The following ASH1L variants were observed in gnomAD, a reference collection of about 807,000 sequenced individuals.
ASH1L encodes the protein ASH1 like histone lysine methyltransferase, also known as histone-lysine N-methyltransferase ASH1L.
A neutral mutation model predicts 269.0 loss-of-function variants in ASH1L; 23 were observed. The ratio of observed to expected loss-of-function variants is 0.09; its 90% confidence interval spans 0.06 to 0.12. The LOEUF (loss-of-function observed/expected upper bound fraction) is 0.12. Among genes scored for constraint, ASH1L ranks in the 10% least tolerant of loss-of-function variants. ASH1L has a pLI of 1.00. For missense variants in ASH1L, 2,912 were observed against 3,567.8 expected (o/e 0.82, Z 4.68); for synonymous variants, 1,187 against 1,253.5 (o/e 0.95, Z 1.12).
At chr1:155,524,311 G>T (rs188280585) in intron 1 of ASH1L, among the ~76,000 whole-genome samples, 1 of 151,514 alleles carries the variant, frequency 6.6e-6, no homozygotes, top group Non-Finnish European at 1.5e-5. Flanking sequence ...CAGGAGGTCA[G>T]GAGATCGAGA....
Position 155,353,749 on chromosome 1 carries a change from C to T in ASH1L, c.7213+724G>A, listed in dbSNP as rs183362401. Among the ~76,000 whole-genome samples the T allele has an allele frequency of 1.5e-3, 234 of 152,082 alleles. 1 individual carries two copies. The highest frequency in any genetic ancestry group is 4.7e-3 in the African/African-American group (197 of 41,486). Reference sequence around the variant, plus strand: ...CTGAATCTGAATGTGAGAAATGACCCGTCCCCAGCTGAATCTGAATGTGAG... The same window carrying T: ...CTGAATCTGAATGTGAGAAATGACCTGTCCCCAGCTGAATCTGAATGTGAG... On this transcript the variant is annotated intron_variant, in intron 16 of 27. Transcript: ENST00000392403.
chr1:155,560,072 A>C (rs1185325015), intron 1 of ASH1L, among the ~76,000 whole-genome samples: 1 of 152,222 alleles, frequency 6.6e-6, no homozygotes, highest in African/African-American at 2.4e-5. Flanking sequence ...TTCTCCTGTC[A>C]ACATGTTCAA....
chr1:155,442,496 T>C (rs1029732389), intron 4 of ASH1L, among the ~76,000 whole-genome samples: 2 of 150,572 alleles, frequency 1.3e-5, no homozygotes, highest in Non-Finnish European at 2.9e-5. Context: ...GGCAGGAGAA[T>C]TGCTTGAACC....
At chr1:155,507,017 T>A (rs1198930090) in intron 2 of ASH1L, among the ~76,000 whole-genome samples, 1 of 152,226 alleles carries the variant, frequency 6.6e-6, no homozygotes, top group East Asian at 1.9e-4. Flanking sequence ...GCGCAGTGGC[T>A]CACGCCTGTA....
chr1:155,531,658 T>C (rs1669685837), intron 1 of ASH1L, among the ~76,000 whole-genome samples: 1 of 152,068 alleles, frequency 6.6e-6, no homozygotes, highest in Admixed American at 6.6e-5. Context: ...CCTAAAAATG[T>C]ATATGAGAAG....
At chr1:155,446,302 T>A (rs1314834614) in intron 4 of ASH1L, among the ~76,000 whole-genome samples, 3 of 140,736 alleles carry the variant, frequency 2.1e-5, no homozygotes, top group African/African-American at 8.4e-5. Flanking sequence ...TTAATTAAAT[T>A]TTTTTTTTTT....
intron 5 of ASH1L, among the ~76,000 whole-genome samples, chr1:155,435,295 G>A (rs1342944223): frequency 2.0e-5 from 3 of 152,130 alleles, no homozygotes; most frequent in Non-Finnish European, 4.4e-5. Flanking sequence ...TTACATAAGT[G>A]ACATAAAGAG....
At position 155,479,773 on chromosome 1, in the gene ASH1L, A is replaced by G. The variant is rs1277275328; in HGVS notation, c.3097T>C (p.Leu1033=). 1.2e-6 allele frequency: 2 copies of G among 1,614,166 alleles called. No individual in the cohort carries two copies. Among genetic ancestry groups the G allele is most frequent in the Non-Finnish European group, 1.7e-6 (2 of 1,180,010 alleles). ...TTGCTGACATTTATCTGTTGGCCCA[A>G]TTTAGAGCCAAATGTGGCAGCAAGA... is the stretch of plus-strand genomic sequence containing the variant. The part of the protein sequence containing the change: ...SSLAATFGSK[L]GQQINVSKKG... Residue 1033 remains leucine (L), a synonymous_variant, in exon 3 of 28, where the codon TTG becomes CTG. Transcript: ENST00000392403.
chr1:155,506,370 A>G (rs1478511967), intron 2 of ASH1L, among the ~76,000 whole-genome samples: 1 of 152,210 alleles, frequency 6.6e-6, no homozygotes, highest in Non-Finnish European at 1.5e-5. Context: ...AGCAAGAACT[A>G]AGGCACTATT....
chr1:155,431,869 C>A (rs1310117399), intron 5 of ASH1L, among the ~76,000 whole-genome samples: 1 of 152,160 alleles, frequency 6.6e-6, no homozygotes, highest in African/African-American at 2.4e-5. Context: ...CCTGCCTCAG[C>A]CTGACAAACT....
At position 155,468,423 on chromosome 1, in the gene ASH1L, G is replaced by A. The variant is rs576186541; in HGVS notation, c.4985-8525C>T. Among the ~76,000 whole-genome samples, 363 of 152,126 alleles carry A rather than the reference G, an allele frequency of 2.4e-3. 1 individual carries two copies. Among genetic ancestry groups the A allele is most frequent in the African/African-American group, 8.3e-3 (346 of 41,480 alleles). On this transcript the variant is annotated intron_variant, in intron 3 of 27. Coordinates refer to ENST00000392403, the MANE Select transcript of ASH1L (RefSeq NM_018489.3). ...CAGCAGTCCAGTCCATATTCAAGAA[G>A]AGGTAAATTAAGTTCCACCTCCTGA...
At chr1:155,506,013 G>A (rs951720828) in intron 2 of ASH1L, among the ~76,000 whole-genome samples, 10 of 133,676 alleles carry the variant, frequency 7.5e-5, no homozygotes, top group African/African-American at 1.4e-4. Context: ...GACAGGCCCC[G>A]ATGTGTGATG....
At position 155,549,340 on chromosome 1, in the gene ASH1L, C is replaced by CA. The variant is rs552143208; in HGVS notation, c.-100+12812dup. 8.9e-4 allele frequency among the ~76,000 whole-genome samples: 135 copies of CA among 151,000 alleles called. No individual in the cohort carries two copies. In the Middle Eastern group the frequency reaches 0.017, roughly 19 times the overall value. ...CCTGGATAACAGAGAGACCCTGTCT[C>CA]AAAAAAAAACTTTTTGGCCAGACAC... On this transcript the variant is annotated intron_variant, in intron 1 of 27. Coordinates refer to ENST00000392403, the MANE Select transcript of ASH1L (RefSeq NM_018489.3).
At chr1:155,512,173 TCA>T (rs1255784128) in intron 2 of ASH1L, among the ~76,000 whole-genome samples, 1 of 149,014 alleles carries the variant, frequency 6.7e-6, no homozygotes, top group Non-Finnish European at 1.5e-5. Context: ...CTATCCTTTA[TCA>T]CAATCCTTTA....
At chr1:155,535,535 C>T (rs966261572) in intron 1 of ASH1L, among the ~76,000 whole-genome samples, 9 of 151,684 alleles carry the variant, frequency 5.9e-5, no homozygotes, top group Admixed American at 1.3e-4. Context: ...AATCCCAACA[C>T]TTTGGGAGGC....
At chr1:155,426,657 A>G (rs546749635) in intron 5 of ASH1L, among the ~76,000 whole-genome samples, 1 of 152,340 alleles carries the variant, frequency 6.6e-6, no homozygotes, top group South Asian at 2.1e-4. Flanking sequence ...TTCTGCAAAC[A>G]ATAAAATGGA....
intron 4 of ASH1L, among the ~76,000 whole-genome samples, chr1:155,449,377 T>C (rs1478265437): frequency 6.6e-6 from 1 of 152,274 alleles, no homozygotes; most frequent in African/African-American, 2.4e-5. Context: ...TACTGAATTC[T>C]AATTTAATTC....
intron 14 of ASH1L, 85 bp from the exon 15 acceptor site, chr1:155,357,495 T>G: frequency 6.3e-7 from 1 of 1,594,780 alleles, no homozygotes; most frequent in Non-Finnish European, 8.6e-7. Context: ...ACTCTTAAGA[T>G]GCCACCCTCT....
chr1:155,419,939 T>C (rs1246535677), intron 5 of ASH1L, among the ~76,000 whole-genome samples: 1 of 152,236 alleles, frequency 6.6e-6, no homozygotes, highest in African/African-American at 2.4e-5. Flanking sequence ...ACAACAATGT[T>C]GCAGAATCCA....
Sources: gnomAD v4.1 joint callset for allele counts (sites outside exome capture counted in the v4.1 genomes callset) on GRCh38, gnomAD v4.1.1 for gene constraint, MANE v1.5 for transcripts, NCBI Gene and HGNC (gene_info 2026-07-23, HGNC 2026-07-21) for gene names.